The following ATXN2 variants were observed in gnomAD, a reference collection of about 807,000 sequenced individuals.
ATXN2 encodes ataxin-2.
In ATXN2, 37 loss-of-function variants were observed where a neutral mutation model predicts 138.6. The observed-to-expected ratio is 0.27, with a 90% CI of 0.21 to 0.35. The LOEUF (loss-of-function observed/expected upper bound fraction) is 0.35. Among genes scored for constraint, ATXN2 ranks in the 10% least tolerant of loss-of-function variants. The probability of loss-of-function intolerance (pLI) is 1.00; values close to 1 mark genes in which losing one functional copy is unlikely to be tolerated. For synonymous variants in ATXN2, 549 were observed against 543.7 expected, an observed-to-expected ratio of 1.01 and a Z score of -0.13; for missense variants, 1,216 against 1,480.3, an observed-to-expected ratio of 0.82 and a Z score of 2.93.
chr12:111,452,429 A>ATTTTTTTTTTTTTTTT lies in ATXN2; in HGVS notation c.*367_*382dup, dbSNP rs11348701. 1 of 129,190 alleles carries ATTTTTTTTTTTTTTTT rather than the reference A, an allele frequency of 7.7e-6. No homozygotes were observed. 8.0% of individuals were successfully genotyped at this position (129,190 alleles called of 1,614,324 possible). A position where few individuals can be genotyped will look rare whatever the true frequency, so the allele number is the denominator to read the frequency against. On this transcript the variant is annotated 3_prime_UTR_variant, in exon 25 of 25. Coordinates refer to ENST00000673436, the MANE Select transcript of ATXN2 (RefSeq NM_001372574.1). ...TAGTAAAAGGGCGTTCCAAGTCTTGATTTTTTTTTTTTTTTTTTTTTAGCA... is the reference window on the plus strand; with the variant it reads ...TAGTAAAAGGGCGTTCCAAGTCTTGATTTTTTTTTTTTTTTTTTTTTTTTTTTTTTTTTTTTTAGCA...
At chr12:111,459,303 CCAT>C (rs1312596674) in intron 21 of ATXN2, among the ~76,000 whole-genome samples, 1 of 152,104 alleles carries the variant, frequency 6.6e-6, no homozygotes, top group African/African-American at 2.4e-5. Context: ...AACAGGCCCT[CCAT>C]CATCATCATA....
At chr12:111,577,756 C>T (rs931089760) in intron 1 of ATXN2, among the ~76,000 whole-genome samples, 2 of 151,964 alleles carry the variant, frequency 1.3e-5, no homozygotes, top group African/African-American at 4.8e-5. Context: ...CCACAGTGAA[C>T]TTTCTGTCTG....
intron 1 of ATXN2, among the ~76,000 whole-genome samples, chr12:111,578,067 C>T (rs1368419089): frequency 1.3e-5 from 2 of 152,014 alleles, no homozygotes; most frequent in East Asian, 1.9e-4. Context: ...TGTGGTGGCA[C>T]GCACCTGTAA....
At chr12:111,550,079 AGAG>A (rs1300625162) in intron 5 of ATXN2, among the ~76,000 whole-genome samples, 1 of 149,118 alleles carries the variant, frequency 6.7e-6, no homozygotes, top group African/African-American at 2.5e-5. Flanking sequence ...AAAAAAAAAA[AGAG>A]AGAGAAAAGA....
At chr12:111,547,047 T>A (rs621899) in intron 5 of ATXN2, among the ~76,000 whole-genome samples, 1 of 152,156 alleles carries the variant, frequency 6.6e-6, no homozygotes, top group Non-Finnish European at 1.5e-5. Flanking sequence ...TTTGCATATA[T>A]GCATGAATAT....
upstream of ATXN2, chr12:111,599,410 C>A: frequency 2.6e-6 from 3 of 1,169,732 alleles, no homozygotes; most frequent in Non-Finnish European, 3.2e-6. Context: ...CGCTCCGCCG[C>A]GCCGGCCGCT....
intron 12 of ATXN2, 125 bp from the exon 13 acceptor site, chr12:111,510,123 T>C: frequency 1.3e-6 from 1 of 790,882 alleles, no homozygotes; most frequent in Non-Finnish European, 2.0e-6. Flanking sequence ...AGAGGCTTTT[T>C]TTCCTTTGCA....
At chr12:111,599,623 G>A (rs1441134166), upstream of ATXN2, 4 of 1,079,756 alleles carry the variant, frequency 3.7e-6, no homozygotes, top group East Asian at 1.2e-4. Flanking sequence ...TGGCCCCGGG[G>A]CCGGGAGGGA....
chr12:111,548,580 C>A (rs1881957222), intron 5 of ATXN2, among the ~76,000 whole-genome samples: 1 of 152,164 alleles, frequency 6.6e-6, no homozygotes, highest in African/African-American at 2.4e-5. Context: ...AATACAATGT[C>A]ATATTAGTAT....
intron 10 of ATXN2, among the ~76,000 whole-genome samples, 170 bp downstream of exon 10, chr12:111,515,984 A>G (rs920505883): frequency 3.3e-5 from 5 of 152,208 alleles, no homozygotes; most frequent in African/African-American, 1.2e-4. Flanking sequence ...CATTTATCAA[A>G]TTTCTCTCTA....
At chr12:111,482,229 C>T (rs1456159541) in intron 18 of ATXN2, among the ~76,000 whole-genome samples, 3 of 138,196 alleles carry the variant, frequency 2.2e-5, no homozygotes, top group Non-Finnish European at 4.6e-5. Context: ...GAGTCTCGCT[C>T]TGTCACCCAG....
At position 111,559,136 on chromosome 12, in the gene ATXN2, GTTTT is replaced by G. The variant is rs762892445; in HGVS notation, c.252-3221_252-3218del. Among the ~76,000 whole-genome samples the G allele has an allele frequency of 6.5e-4, 92 of 142,184 alleles. 2 individuals carry two copies. The Middle Eastern group carries it at 0.033, about 51-fold the overall frequency. The allele number at this position is 142,184 out of a possible 152,430, so 93.3% of individuals were successfully genotyped here. A position where few individuals can be genotyped will look rare whatever the true frequency, so the allele number is the denominator to read the frequency against. On this transcript the variant is annotated intron_variant, in intron 1 of 24. Transcript: ENST00000673436. ...GCAACATAAAAAATGACAGTTTTTTGTTTTTTTTTTTTTCTGAGACAGAGTCTCA... is the reference window on the plus strand; with the variant it reads ...GCAACATAAAAAATGACAGTTTTTTGTTTTTTTTTCTGAGACAGAGTCTCA...
chr12:111,570,278 T>A (rs534588893), intron 1 of ATXN2, among the ~76,000 whole-genome samples: 1 of 152,206 alleles, frequency 6.6e-6, no homozygotes, highest in Admixed American at 6.5e-5. Flanking sequence ...ACAATTGTAT[T>A]CCCCTTCAAA....
chr12:111,457,254 C>G lies in ATXN2; in HGVS notation c.3002G>C (p.Ser1001Thr). The G allele has an allele frequency of 6.2e-7, 1 of 1,614,096 alleles. No individual in the cohort carries two copies. Among genetic ancestry groups the G allele is most frequent in the Non-Finnish European group, 8.5e-7 (1 of 1,179,976 alleles). The change falls in exon 22 of 25, where the codon AGC becomes ACC. Residue 1001 changes from serine to threonine, a missense_variant. Around this residue, in one of 4 missense-constraint regions of ATXN2, gnomAD observed 490 missense variants for 653.5 expected, o/e 0.75. Transcript: ENST00000673436. ...PSATPTGQQQ[S>T]QHGGSHPAPS... ...TGCAGGATGACTTCCACCATGTTGGCTTTGCTGCTGTCCAGTGGGGGTAGC... is the reference window on the plus strand; with the variant it reads ...TGCAGGATGACTTCCACCATGTTGGGTTTGCTGCTGTCCAGTGGGGGTAGC...
Position 111,520,046 on chromosome 12 carries a change from T to A in ATXN2, c.819A>T (p.Glu273Asp). The change falls in exon 8 of 25, where the codon GAA becomes GAT. Residue 273 changes from glutamate to aspartate, a missense_variant. Glu to Asp is a conservative substitution (Grantham distance 45, BLOSUM62 2). This residue lies in a region of ATXN2 where 401 missense variants were observed against 528.1 expected (regional missense o/e 0.76). Coordinates refer to ENST00000673436, the MANE Select transcript of ATXN2 (RefSeq NM_001372574.1). ...TTGCCCTTGCTTCCCGTTTTAAAAA[T>A]TCTTCTGAGTTATCTCTTTCTAAGG... Reference protein sequence around the residue: ...TVPLERDNSEEFLKREARANQ... With the variant: ...TVPLERDNSEDFLKREARANQ... The A allele has an allele frequency of 6.2e-7, 1 of 1,614,046 alleles. No individual in the cohort carries two copies. The highest frequency in any genetic ancestry group is 8.5e-7 in the Non-Finnish European group (1 of 1,180,012).
At chr12:111,569,474 A>T (rs376210560) in intron 1 of ATXN2, among the ~76,000 whole-genome samples, 3 of 152,326 alleles carry the variant, frequency 2.0e-5, no homozygotes, top group South Asian at 4.1e-4. Flanking sequence ...CACACCTGCA[A>T]TCCCAGCACT....
intron 5 of ATXN2, among the ~76,000 whole-genome samples, chr12:111,545,452 C>T (rs537516671): frequency 6.8e-4 from 101 of 148,798 alleles, no homozygotes; most frequent in African/African-American, 2.2e-3. Context: ...AAAAATTAGC[C>T]GGGCGTGGTG....
intron 14 of ATXN2, among the ~76,000 whole-genome samples, chr12:111,509,136 T>C (rs1026288368): frequency 2.6e-5 from 4 of 152,220 alleles, no homozygotes; most frequent in Non-Finnish European, 4.4e-5. Context: ...CAGAAAGATT[T>C]TGACCACAAT....
At chr12:111,489,611 C>CA (rs35926625) in intron 14 of ATXN2, among the ~76,000 whole-genome samples, 13,182 of 112,704 alleles carry the variant, frequency 0.12, 1,733 homozygotes, top group African/African-American at 0.33. Context: ...GACTCCGTCT[C>CA]AAAAAAAAAA....
Sources: allele counts gnomAD v4.1 joint callset (sites outside exome capture counted in the v4.1 genomes callset), GRCh38; gene constraint gnomAD v4.1.1; regional missense constraint gnomAD v4.1.1; transcripts MANE v1.5; gene names NCBI Gene and HGNC (gene_info 2026-07-23, HGNC 2026-07-21).